The following SCP2 variants were observed in gnomAD, a reference collection of about 807,000 sequenced individuals.
SCP2 encodes the protein SCP-2/3-oxoacyl-CoA thiolase.
SCP2 carries 48 observed loss-of-function variants against 71.4 expected under a neutral mutation model. The ratio of observed to expected loss-of-function variants is 0.67; its 90% CI spans 0.53 to 0.86. SCP2 has a LOEUF of 0.86. Ranked by LOEUF, SCP2 falls within the 40% of genes least tolerant of loss-of-function variation. SCP2 has a pLI of 0.00. For synonymous variants in SCP2, 220 were observed against 218.1 expected (o/e 1.01, Z -0.08); for missense variants, 560 against 655.6 (o/e 0.85, Z 1.59).
intron 11 of SCP2, among the ~76,000 whole-genome samples, chr1:53,000,147 C>T (rs974148418): frequency 6.6e-6 from 1 of 151,110 alleles, no homozygotes; most frequent in African/African-American, 2.4e-5. Flanking sequence ...GACATGGTGG[C>T]TCATGCCCAT....
At chr1:52,987,006 A>ATATTTTTTTTTTTTTTTTT (rs1386745740) in intron 10 of SCP2, among the ~76,000 whole-genome samples, 1 of 110,506 alleles carries the variant, frequency 9.0e-6, no homozygotes, top group African/African-American at 4.0e-5. Context: ...ATATATATAT[A>ATATTTTTTTTTTTTTTTTT]TTTTTTTTTT....
intron 2 of SCP2, among the ~76,000 whole-genome samples, chr1:52,947,676 A>G (rs1034678841): frequency 7.2e-5 from 11 of 152,198 alleles, no homozygotes; most frequent in African/African-American, 2.7e-4. Flanking sequence ...CTAGATGTGC[A>G]GTGGAGCTAC....
chr1:53,013,448 A>T (rs1285094905), intron 11 of SCP2, among the ~76,000 whole-genome samples: 2 of 140,310 alleles, frequency 1.4e-5, no homozygotes, highest in African/African-American at 2.8e-5. Flanking sequence ...AAAAAAAAAT[A>T]GCTGGGAGTG....
At chr1:53,014,448 G>T (rs191144439) in intron 11 of SCP2, among the ~76,000 whole-genome samples, 2 of 152,122 alleles carry the variant, frequency 1.3e-5, no homozygotes, top group Admixed American at 6.5e-5. Flanking sequence ...AACCTTTCTT[G>T]TGAATATCTG....
At chr1:52,947,060 C>CAA (rs1557550094) in intron 2 of SCP2, among the ~76,000 whole-genome samples, 1 of 104,856 alleles carries the variant, frequency 9.5e-6, no homozygotes, top group African/African-American at 3.9e-5. Flanking sequence ...GACTCTGTCT[C>CAA]GAAAAAAAAA....
At chr1:52,951,155 A>C (rs1655261920) in intron 4 of SCP2, among the ~76,000 whole-genome samples, 1 of 151,936 alleles carries the variant, frequency 6.6e-6, no homozygotes, top group African/African-American at 2.4e-5. Context: ...GGTGGCGTGC[A>C]TCTGTAGTCC....
At chr1:52,999,582 A>G (rs1660167904) in intron 11 of SCP2, among the ~76,000 whole-genome samples, 1 of 152,330 alleles carries the variant, frequency 6.6e-6, no homozygotes, top group African/African-American at 2.4e-5. Context: ...TAGTAAAAGA[A>G]AATTGTAGTT....
intron 11 of SCP2, among the ~76,000 whole-genome samples, chr1:53,004,426 C>T (rs1385750959): frequency 1.3e-5 from 2 of 152,098 alleles, no homozygotes; most frequent in African/African-American, 2.4e-5. Context: ...GTGACCTGCA[C>T]GTATACATCC....
At position 53,050,657 on chromosome 1, in the gene SCP2, A is replaced by T; in HGVS notation, c.1597A>T (p.Met533Leu). ...LKITGNMGLA[M>L]KLQNLQLQPG... ...AATCACTGGCAACATGGGTCTCGCT[A>T]TGAAGTTACAAAATCTTCAGCTTCA... Residue 533 changes from methionine to leucine, a missense_variant, in exon 16 of 16, where the codon ATG (methionine) becomes TTG (leucine). Met to Leu is a conservative substitution (Grantham distance 15). Transcript: ENST00000371514. 6.2e-7 allele frequency: 1 copy of T among 1,613,774 alleles called. No individual in the cohort carries two copies. Among genetic ancestry groups the T allele is most frequent in the East Asian group, 2.2e-5 (1 of 44,870 alleles).
At chr1:52,946,112 A>G (rs923639921) in intron 2 of SCP2, among the ~76,000 whole-genome samples, 1 of 151,646 alleles carries the variant, frequency 6.6e-6, no homozygotes, top group African/African-American at 2.4e-5. Context: ...TATTTTTGGT[A>G]GAGACAGGGT....
Position 52,976,570 on chromosome 1 carries a change from A to G in SCP2, c.588-113A>G, listed in dbSNP as rs1252190061. Reference sequence around the variant, plus strand: ...ATGACATTTATGGCTATTCATAAAAATCTGTCTTCTGGTTGTGAAAATAAT... The same window carrying G: ...ATGACATTTATGGCTATTCATAAAAGTCTGTCTTCTGGTTGTGAAAATAAT... On this transcript the variant is annotated intron_variant, in intron 7 of 15. Transcript: ENST00000371514. The G allele has an allele frequency of 7.1e-6, 5 of 708,888 alleles. No individual in the cohort carries two copies. In the African/African-American group the frequency reaches 7.1e-5, roughly 10 times the overall value. 43.9% of individuals were successfully genotyped at this position (708,888 alleles called of 1,614,324 possible). A position where few individuals can be genotyped will look rare whatever the true frequency, so the allele number is the denominator to read the frequency against.
chr1:52,998,463 G>A (rs576286647), intron 11 of SCP2, among the ~76,000 whole-genome samples: 9 of 152,268 alleles, frequency 5.9e-5, no homozygotes, highest in South Asian at 2.1e-4. Flanking sequence ...GGGAGCAATA[G>A]CATGCACCTG....
At position 52,953,139 on chromosome 1, in the gene SCP2, G is replaced by GC. The variant is rs528035408; in HGVS notation, c.332-1595dup. ...TTGAACTTTAACATCATTTTTAGGG[G>GC]CCCCCCTCTCTCCAAAAATAATTCT... On this transcript the variant is annotated intron_variant, in intron 4 of 15. Coordinates refer to ENST00000371514, the MANE Select transcript of SCP2 (RefSeq NM_002979.5). Among the ~76,000 whole-genome samples the GC allele has an allele frequency of 5.1e-3, 751 of 147,346 alleles. 7 individuals carry two copies. The highest frequency in any genetic ancestry group is 0.018 in the African/African-American group (733 of 39,876).
At chr1:52,934,430 A>T (rs900134961) in intron 1 of SCP2, among the ~76,000 whole-genome samples, 5 of 151,844 alleles carry the variant, frequency 3.3e-5, no homozygotes, top group Non-Finnish European at 5.9e-5. Context: ...TATTTTTCCA[A>T]AAAAACCAAT....
Position 53,020,893 on chromosome 1 carries a change from T to C in SCP2, c.1235+5850T>C, listed in dbSNP as rs76272691. Among the ~76,000 whole-genome samples, 947 of 152,338 alleles carry C rather than the reference T, an allele frequency of 6.2e-3. 15 individuals carry two copies. The highest frequency in any genetic ancestry group is 0.022 in the African/African-American group (910 of 41,578). Reference sequence around the variant, plus strand: ...GATATTCCCTGAAACTTACGCGTACTGTACGACCGTCTCCAGTCAGAACAA... The same window carrying C: ...GATATTCCCTGAAACTTACGCGTACCGTACGACCGTCTCCAGTCAGAACAA... On this transcript the variant is annotated intron_variant, in intron 12 of 15. Coordinates refer to ENST00000371514, the MANE Select transcript of SCP2 (RefSeq NM_002979.5).
intron 11 of SCP2, among the ~76,000 whole-genome samples, chr1:53,014,095 C>G (rs1475950167): frequency 6.9e-6 from 1 of 145,126 alleles, no homozygotes; most frequent in Non-Finnish European, 1.5e-5. Context: ...TTAGTAGAGA[C>G]GGGGTTTCAC....
At chr1:52,936,851 G>A (rs12094210) in intron 1 of SCP2, among the ~76,000 whole-genome samples, 3,995 of 152,140 alleles carry the variant, frequency 0.026, 181 homozygotes, top group African/African-American at 0.091. Context: ...AGGAGTTTCT[G>A]GGGTGGAGGG....
chr1:52,949,251 T>C (rs554786963), intron 3 of SCP2, among the ~76,000 whole-genome samples: 2 of 152,146 alleles, frequency 1.3e-5, no homozygotes, highest in Non-Finnish European at 2.9e-5. Context: ...ATGCAGAATA[T>C]ATTTATTGAA....
intron 14 of SCP2, among the ~76,000 whole-genome samples, chr1:53,040,719 T>TA (rs946513588): frequency 1.2e-4 from 18 of 150,998 alleles, no homozygotes; most frequent in South Asian, 8.4e-4. Context: ...AGACTCCGTC[T>TA]AAAAAAAAAC....
Sources: allele counts gnomAD v4.1 joint callset (sites outside exome capture counted in the v4.1 genomes callset), GRCh38; gene constraint gnomAD v4.1.1; transcripts MANE v1.5; gene names NCBI Gene and HGNC (gene_info 2026-07-23, HGNC 2026-07-21).